ITGB4: variants seen among roughly 807,000 people sequenced by gnomAD.
ITGB4 encodes integrin beta-4.
In ITGB4, 159 loss-of-function variants were observed where a neutral mutation model predicts 207.6. That is an observed-to-expected ratio of 0.77 (90% CI 0.67 to 0.87). ITGB4 has a LOEUF of 0.87. Among genes scored for constraint, ITGB4 ranks in the 40% least tolerant of loss-of-function variants. The pLI, the probability that ITGB4 is intolerant of heterozygous loss-of-function variation, is 0.00. For missense variants in ITGB4, 2,278 were observed against 2,546.8 expected (o/e 0.89, Z 2.27); for synonymous variants, 1,020 against 1,062.7 (o/e 0.96, Z 0.78).
Position 75,736,384 on chromosome 17 carries a change from G to T in ITGB4, c.1858G>T (p.Ala620Ser). The change falls in exon 15 of 40, where the codon GCG becomes TCG. Residue 620 changes from alanine (A) to serine (S), a missense_variant and splice_region_variant. Ala to Ser is a moderately conservative substitution (Grantham distance 99, BLOSUM62 1). Coordinates refer to ENST00000200181, the MANE Select transcript of ITGB4 (RefSeq NM_000213.5). ...TDTICEINYS[A>S]IHPGLCEDLR... ...CACCATCTGCGAGATCAACTACTCG[G>T]CGGTGAGGCTAAGACCTACGAGGTG... 1 of 1,614,086 alleles carries T rather than the reference G, an allele frequency of 6.2e-7. No individual in the cohort carries two copies. Among genetic ancestry groups the T allele is most frequent in the South Asian group, 1.1e-5 (1 of 91,078 alleles).
In ITGB4 at chr17:75,730,354, C is replaced by A; in HGVS notation, c.852C>A (p.Asn284Lys). 1 of 1,613,910 alleles carries A rather than the reference C, an allele frequency of 6.2e-7. No individual in the cohort carries two copies. The highest frequency in any genetic ancestry group is 8.5e-7 in the Non-Finnish European group (1 of 1,180,022). ...ANVLAGIMSR[N>K]DERCHLDTTG... Reference sequence around the variant, plus strand: ...TGCTGGCTGGCATCATGAGCCGCAACGATGAACGGTGCCACCTGGACACCA... The same window carrying A: ...TGCTGGCTGGCATCATGAGCCGCAAAGATGAACGGTGCCACCTGGACACCA... The change falls in exon 8 of 40, where the codon AAC becomes AAA. Residue 284 changes from asparagine to lysine, a missense_variant. Physicochemically the swap from Asn to Lys is moderately conservative, Grantham distance 94. Transcript: ENST00000200181.
chr17:75,754,066 G>T (rs2061430870), intron 33 of ITGB4, 92 bp downstream of exon 33: 2 of 579,414 alleles, frequency 3.5e-6, no homozygotes, highest in African/African-American at 3.9e-5. Flanking sequence ...TGCCTCGGGG[G>T]CCCCAGTTTC....
rs1435891899 is a variant in ITGB4, at chr17:75,756,878, G to A, written c.5053+19G>A. On this transcript the variant is annotated intron_variant, in intron 37 of 39. Transcript: ENST00000200181. ...GGAGGAGGTGCTGCCCACCCCGGGG[G>A]CAGGAGTGGCCAGGGGAGGGGTAAA... 9 of 1,612,062 alleles carry A rather than the reference G, an allele frequency of 5.6e-6. No individual in the cohort carries two copies. Among genetic ancestry groups the A allele is most frequent in the Admixed American group, 1.7e-5 (1 of 59,998 alleles).
intron 34 of ITGB4, 61 bp from the exon 35 acceptor site, chr17:75,755,640 G>A: frequency 6.2e-7 from 1 of 1,605,230 alleles, no homozygotes; most frequent in Admixed American, 1.7e-5. Flanking sequence ...GGGCAGCACT[G>A]TGACTCCCAC....
intron 5 of ITGB4, 93 bp from the exon 6 acceptor site, chr17:75,728,284 T>C (rs750924201): frequency 1.6e-4 from 163 of 999,660 alleles, no homozygotes; most frequent in Non-Finnish European, 2.4e-4. Flanking sequence ...AACCTCCCTC[T>C]TCCTCCCTTC....
chr17:75,731,176 C>G lies in ITGB4; in HGVS notation c.1093-70C>G, dbSNP rs2060848055. 6.2e-7 allele frequency: 1 copy of G among 1,611,234 alleles called. No homozygotes were observed. The highest frequency in any genetic ancestry group is 1.7e-5 in the Admixed American group (1 of 59,902). On this transcript the variant is annotated intron_variant, in intron 9 of 39. Coordinates refer to ENST00000200181, the MANE Select transcript of ITGB4 (RefSeq NM_000213.5). This position sits in a 1 kb window ranked among gnomAD's most constrained non-coding sequence, Gnocchi z 6.8. The stretch of plus-strand genomic sequence containing the variant: ...CTGTGATACCCCGCATGATGCCAGC[C>G]ACACTTGGAGGTTGGGGTGGAGCAC...
At position 75,740,768 on chromosome 17, in the gene ITGB4, C is replaced by G. The variant is rs1369347673; in HGVS notation, c.2551-25C>G. 1.9e-6 allele frequency: 3 copies of G among 1,612,062 alleles called. No individual in the cohort carries two copies. The Admixed American group carries it at 5.0e-5, about 27-fold the overall frequency. On this transcript the variant is annotated intron_variant, in intron 21 of 39. Coordinates refer to ENST00000200181, the MANE Select transcript of ITGB4 (RefSeq NM_000213.5). This position sits in a 1 kb window ranked among gnomAD's most constrained non-coding sequence, Gnocchi z 5.9. The stretch of plus-strand genomic sequence containing the variant: ...TGCCACGGGGTGGCCTAGGCCCAGC[C>G]TCACGCCCCTCCCTTGCCTGGCAGC...
Position 75,732,727 on chromosome 17 carries a change from C to T in ITGB4, c.1454+488C>T, listed in dbSNP as rs1325543183. 6.6e-6 allele frequency among the ~76,000 whole-genome samples: 1 copy of T among 152,150 alleles called. No homozygotes were observed. The highest frequency in any genetic ancestry group is 1.5e-5 in the Non-Finnish European group (1 of 68,034). On this transcript the variant is annotated intron_variant, in intron 12 of 39. Transcript: ENST00000200181. This position sits in a 1 kb window ranked among gnomAD's most constrained non-coding sequence, Gnocchi z 5.3. ...CACTGGGGTTTAGGTCTCAGCTCAG[C>T]CACTTCTGTCTGCATGACTGGGAGC...
chr17:75,737,764 AC>A, intron 18 of ITGB4, 120 bp downstream of exon 18: 1 of 845,074 alleles, frequency 1.2e-6, no homozygotes, highest in South Asian at 1.4e-5. Context: ...AGGGTCCCCA[AC>A]CCCTTCCTGG....
At chr17:75,736,472 A>G (rs2060978187) in intron 15 of ITGB4, 86 bp downstream of exon 15, 2 of 1,608,436 alleles carry the variant, frequency 1.2e-6, no homozygotes, top group Non-Finnish European at 1.7e-6. Context: ...CTGATGCCAC[A>G]GGAGCTGGCC....
chr17:75,744,115 C>CTTTTT (rs759492811), intron 26 of ITGB4, among the ~76,000 whole-genome samples: 2 of 110,944 alleles, frequency 1.8e-5, no homozygotes, highest in Non-Finnish European at 1.8e-5. Context: ...AGGGCTCGCT[C>CTTTTT]TTTTTTTTTT....
Position 75,737,324 on chromosome 17 carries a change from G to C in ITGB4, c.1993G>C (p.Glu665Gln), listed in dbSNP as rs552877885. The C allele has an allele frequency of 6.3e-7, 1 of 1,590,918 alleles. No homozygotes were observed. Among genetic ancestry groups the C allele is most frequent in the Admixed American group, 1.8e-5 (1 of 56,680 alleles). Residue 665 changes from glutamate (E) to glutamine (Q), a missense_variant and splice_region_variant, in exon 17 of 40, where the codon GAG (glutamate) becomes CAG (glutamine). Transcript: ENST00000200181. Reference protein sequence around the residue: ...VKMVDELKRAEEVVVRCSFRD... With the variant: ...VKMVDELKRAQEVVVRCSFRD... ...CTGCTGACTGGCTGTGGGTACAGCC[G>C]AGGAGGTGGTGGTGCGCTGCTCCTT...
intron 39 of ITGB4, 49 bp from the exon 40 acceptor site, chr17:75,757,367 G>A (rs1272015545): frequency 6.2e-7 from 1 of 1,612,890 alleles, no homozygotes; most frequent in East Asian, 2.2e-5. Context: ...CTAGCAGAGG[G>A]AGAAGGGCAG....
At chr17:75,752,729 A>AC in intron 32 of ITGB4, 152 bp downstream of exon 32, 1 of 994,400 alleles carries the variant, frequency 1.0e-6, no homozygotes, top group Non-Finnish European at 1.5e-6. Context: ...ACATCTGTGC[A>AC]TGGGGCACAG....
chr17:75,725,809 C>T (rs996453931), intron 2 of ITGB4, among the ~76,000 whole-genome samples: 13 of 152,194 alleles, frequency 8.5e-5, no homozygotes, highest in African/African-American at 2.2e-4. Flanking sequence ...CTAGGGCTAC[C>T]GTGATAAACA....
chr17:75,739,765 G>A lies in ITGB4; in HGVS notation c.2254+60G>A. On this transcript the variant is annotated intron_variant, in intron 19 of 39. Transcript: ENST00000200181. The surrounding 1 kb of genome is among the most constrained non-coding windows in gnomAD (Gnocchi z 5.4). ...CTGACTGCTCTTTCTCTGAGCTGGGGTGGAGGGAAGCTGAACCTGGAACGG... is the reference window on the plus strand; with the variant it reads ...CTGACTGCTCTTTCTCTGAGCTGGGATGGAGGGAAGCTGAACCTGGAACGG... The A allele has an allele frequency of 6.2e-7, 1 of 1,612,150 alleles. No homozygotes were observed. The highest frequency in any genetic ancestry group is 1.7e-4 in the Middle Eastern group (1 of 6,052).
At chr17:75,754,981 GAC>G in intron 34 of ITGB4, 166 bp downstream of exon 34, 1 of 1,529,034 alleles carries the variant, frequency 6.5e-7, no homozygotes, top group East Asian at 2.3e-5. Flanking sequence ...CATGTACACA[GAC>G]ATGCATGCGC....
Position 75,729,156 on chromosome 17 carries a change from C to G in ITGB4, c.567-109C>G. ...CCTGGGTGATAAAGCGAGACTTGGTCTCAAAAAAAAAAAAAAAAATTCTCC... is the reference window on the plus strand; with the variant it reads ...CCTGGGTGATAAAGCGAGACTTGGTGTCAAAAAAAAAAAAAAAAATTCTCC... On this transcript the variant is annotated intron_variant, in intron 6 of 39. Transcript: ENST00000200181. This position sits in a 1 kb window ranked among gnomAD's most constrained non-coding sequence, Gnocchi z 4.4. 1.3e-6 allele frequency: 1 copy of G among 791,014 alleles called. No homozygotes were observed. Among genetic ancestry groups the G allele is most frequent in the Non-Finnish European group, 1.8e-6 (1 of 559,334 alleles). The allele number at this position is 791,014 out of a possible 1,614,324, so 49.0% of individuals were successfully genotyped here. A position where few individuals can be genotyped will look rare whatever the true frequency, so the allele number is the denominator to read the frequency against.
In ITGB4 at chr17:75,752,442, G is replaced by T; in HGVS notation, c.3977-4G>T. 6.2e-7 allele frequency: 1 copy of T among 1,613,308 alleles called. No individual in the cohort carries two copies. The highest frequency in any genetic ancestry group is 8.5e-7 in the Non-Finnish European group (1 of 1,179,940). ...GGGCCCTGGCTCACTCCCCTGCCCTGCAGTCCCCATCATCCCTGACATCCC... is the reference window on the plus strand; with the variant it reads ...GGGCCCTGGCTCACTCCCCTGCCCTTCAGTCCCCATCATCCCTGACATCCC... On this transcript the variant is annotated splice_polypyrimidine_tract_variant and splice_region_variant and intron_variant, in intron 31 of 39. Transcript: ENST00000200181.
Sources: allele counts gnomAD v4.1 joint callset (sites outside exome capture counted in the v4.1 genomes callset), GRCh38; gene constraint gnomAD v4.1.1; non-coding constraint Gnocchi (gnomAD v3.1); transcripts MANE v1.5; gene names NCBI Gene and HGNC (gene_info 2026-07-23, HGNC 2026-07-21).